TMC5: variants seen among roughly 807,000 people sequenced by gnomAD.
TMC5 encodes transmembrane channel like 5.
In TMC5, 86 loss-of-function variants were observed where a neutral mutation model predicts 110.5. The observed-to-expected ratio is 0.78, with a 90% CI of 0.65 to 0.93. The LOEUF (loss-of-function observed/expected upper bound fraction) is 0.93, where lower values mean the gene tolerates loss of function less well. Among genes scored for constraint, TMC5 ranks in the 40% least tolerant of loss-of-function variants. The pLI is 0.00. For missense variants in TMC5, 1,144 were observed against 1,222.8 expected, an observed-to-expected ratio of 0.94 and a Z score of 0.96; for synonymous variants, 455 against 439.5, an observed-to-expected ratio of 1.04 and a Z score of -0.44.
rs55696911 is a variant in TMC5, at chr16:19,419,402, GTTTTTTTTTTTTTTTT to G, written c.-308+1323_-308+1338del. 9.1e-5 allele frequency among the ~76,000 whole-genome samples: 6 copies of G among 65,650 alleles called. No homozygotes were observed. The Admixed American group carries it at 9.7e-4, about 11-fold the overall frequency. 43.1% of individuals were successfully genotyped at this position (65,650 alleles called of 152,430 possible). On this transcript the variant is annotated intron_variant, in intron 1 of 21. Transcript: ENST00000542583. ...AAGCTCAGTGGAAATGAATGTGTTG[GTTTTTTTTTTTTTTTT>G]TTTTTTTTTTTTGAGACAGTGTCTT... is the stretch of plus-strand genomic sequence containing the variant.
Position 19,495,161 on chromosome 16 carries a change from C to T in TMC5, c.2931+795C>T. The stretch of plus-strand genomic sequence containing the variant: ...TCCCAAGTAGCTGGGACTACAGGCG[C>T]CCGCCACTACGCCCGGCTAATTTTT... On this transcript the variant is annotated intron_variant, in intron 20 of 21. Coordinates refer to ENST00000542583, the MANE Select transcript of TMC5 (RefSeq NM_001261841.2). Among the ~76,000 whole-genome samples the T allele has an allele frequency of 2.8e-5, 2 of 71,234 alleles. 1 individual carries two copies. Among genetic ancestry groups the T allele is most frequent in the Non-Finnish European group, 7.7e-5 (2 of 25,814 alleles). The allele number at this position is 71,234 out of a possible 152,430, so 46.7% of individuals were successfully genotyped here. A position where few individuals can be genotyped will look rare whatever the true frequency, so the allele number is the denominator to read the frequency against.
In TMC5 at chr16:19,498,278, G is replaced by A. The variant is rs2256152; in HGVS notation, c.*312G>A. On this transcript the variant is annotated 3_prime_UTR_variant, in exon 22 of 22. Transcript: ENST00000542583. The stretch of plus-strand genomic sequence containing the variant: ...GAATAATGTATATTATCTTCAAGAA[G>A]TGTGTGCAGGAATGATTGGTTCTTA... The A allele has an allele frequency of 0.85, 282,906 of 332,028 alleles. 120,781 individuals carry two copies. The highest frequency in any genetic ancestry group is 0.91 in the South Asian group (28,335 of 31,134). 20.6% of individuals were successfully genotyped at this position (332,028 alleles called of 1,614,324 possible).
chr16:19,466,114 C>G lies in TMC5; in HGVS notation c.1518C>G (p.Gly506=), dbSNP rs1968182541. Residue 506 remains glycine (G), a synonymous_variant, in exon 9 of 22, where the codon GGC becomes GGG. Coordinates refer to ENST00000542583, the MANE Select transcript of TMC5 (RefSeq NM_001261841.2). ...GYFRDTVMYY[G]FYTNSTIQHG... is the part of the protein sequence containing the mutation. Reference sequence around the variant, plus strand: ...TTAGGGACACAGTGATGTACTATGGCTTTTACACCAATTCCACCATCCAGC... The same window carrying G: ...TTAGGGACACAGTGATGTACTATGGGTTTTACACCAATTCCACCATCCAGC... 1.9e-5 allele frequency: 30 copies of G among 1,614,044 alleles called. No individual in the cohort carries two copies. Among genetic ancestry groups the G allele is most frequent in the Non-Finnish European group, 2.5e-5 (30 of 1,180,016 alleles).
chr16:19,467,330 T>C (rs1968215581), intron 9 of TMC5, among the ~76,000 whole-genome samples: 1 of 152,132 alleles, frequency 6.6e-6, no homozygotes, highest in South Asian at 2.1e-4. Flanking sequence ...CCTCTCTCCT[T>C]GGCTTGTAGA....
chr16:19,469,755 G>C lies in TMC5; in HGVS notation c.1712G>C (p.Cys571Ser). 1 of 1,614,202 alleles carries C rather than the reference G, an allele frequency of 6.2e-7. No individual in the cohort carries two copies. The highest frequency in any genetic ancestry group is 8.5e-7 in the Non-Finnish European group (1 of 1,180,018). Residue 571 changes from cysteine to serine, a missense_variant, in exon 10 of 22, where the codon TGC becomes TCC. Cys to Ser is a moderately radical substitution (Grantham distance 112). Transcript: ENST00000542583. ...GGAGGGATCACCAAGCTGATCTTTT[G>C]CTGGGACTTCACTGTCACTCATGAA... ...YSGGITKLIF[C>S]WDFTVTHEKA...
chr16:19,459,950 G>A (rs988036721), intron 5 of TMC5, among the ~76,000 whole-genome samples: 1 of 151,234 alleles, frequency 6.6e-6, no homozygotes, highest in Admixed American at 6.6e-5. Context: ...AGAAGAGGTA[G>A]GGTGACCAAA....
rs750186180 is a variant in TMC5, at chr16:19,440,461, C to A, written c.423C>A (p.Ser141Arg). 3.7e-6 allele frequency: 6 copies of A among 1,613,928 alleles called. No individual in the cohort carries two copies. The highest frequency in any genetic ancestry group is 5.1e-6 in the Non-Finnish European group (6 of 1,180,028). ...SQRNPDFAGS[S>R]SSGNYAGSRT... is the part of the protein sequence containing the mutation. ...GAAATCCTGATTTTGCAGGCTCCAG[C>A]AGCAGTGGAAACTATGCAGGCTCCA... is the stretch of plus-strand genomic sequence containing the variant. Residue 141 changes from serine to arginine, a missense_variant, in exon 3 of 22, where the codon AGC becomes AGA. By Grantham distance (110) the Ser-to-Arg change is moderately radical. Coordinates refer to ENST00000542583, the MANE Select transcript of TMC5 (RefSeq NM_001261841.2).
At chr16:19,462,588 G>T (rs1968052235) in intron 6 of TMC5, 1 of 698,948 alleles carries the variant, frequency 1.4e-6, no homozygotes, top group Non-Finnish European at 2.6e-6. Flanking sequence ...GCATGTGCAG[G>T]GGAACTGCCC....
At position 19,479,534 on chromosome 16, in the gene TMC5, T is replaced by C. The variant is rs1326148913; in HGVS notation, c.2267+6T>C. 1.7e-5 allele frequency: 28 copies of C among 1,600,748 alleles called. No individual in the cohort carries two copies. Among genetic ancestry groups the C allele is most frequent in the Non-Finnish European group, 2.4e-5 (28 of 1,168,120 alleles). On this transcript the variant is annotated splice_donor_region_variant and intron_variant, in intron 14 of 21. Transcript: ENST00000542583. ...CTGGGGGAGTTTCTGAGGAGGTAAA[T>C]ATTTGCCATTCTTAAGTAATTAGGG...
intron 3 of TMC5, among the ~76,000 whole-genome samples, chr16:19,443,250 A>G (rs1167944596): frequency 1.3e-5 from 2 of 152,198 alleles, no homozygotes; most frequent in East Asian, 3.8e-4. Flanking sequence ...GGGAAGTGGT[A>G]TATGTAGTAA....
At chr16:19,489,581 G>A (rs8061508) in intron 17 of TMC5, among the ~76,000 whole-genome samples, 10,685 of 150,788 alleles carry the variant, frequency 0.071, 494 homozygotes, top group East Asian at 0.18. Context: ...TGATCCACCC[G>A]CCTCGGCCTC....
chr16:19,459,779 A>G (rs1967972768), intron 5 of TMC5, among the ~76,000 whole-genome samples: 1 of 149,700 alleles, frequency 6.7e-6, no homozygotes, highest in Non-Finnish European at 1.5e-5. Context: ...TTAGCCAGAC[A>G]TGGTGGTGCA....
upstream of TMC5, among the ~76,000 whole-genome samples, chr16:19,414,906 T>C (rs1048084728): frequency 1.3e-5 from 2 of 152,012 alleles, no homozygotes; most frequent in African/African-American, 4.8e-5. Flanking sequence ...TAGGTGGGCA[T>C]AGTGGTGAGT....
chr16:19,425,977 G>T (rs1597158737), intron 1 of TMC5, among the ~76,000 whole-genome samples: 1 of 152,170 alleles, frequency 6.6e-6, no homozygotes, highest in African/African-American at 2.4e-5. Flanking sequence ...GTGAGCCACC[G>T]CACCCAGCCA....
At chr16:19,470,250 A>G (rs1597201626) in intron 10 of TMC5, among the ~76,000 whole-genome samples, 2 of 145,566 alleles carry the variant, frequency 1.4e-5, no homozygotes, top group Non-Finnish European at 3.0e-5. Flanking sequence ...GTGCAGTGGC[A>G]TGATCTTGGC....
At chr16:19,414,917 T>C (rs1400826086), upstream of TMC5, among the ~76,000 whole-genome samples, 1 of 152,006 alleles carries the variant, frequency 6.6e-6, no homozygotes, top group Non-Finnish European at 1.5e-5. Flanking sequence ...AGTGGTGAGT[T>C]CCTGTAGTCC....
chr16:19,461,525 GATC>G (rs1968022033), intron 6 of TMC5, among the ~76,000 whole-genome samples: 2 of 151,802 alleles, frequency 1.3e-5, no homozygotes, highest in Non-Finnish European at 2.9e-5. Flanking sequence ...AGTGAGCCAA[GATC>G]ACACCACTGC....
chr16:19,490,737 TC>T (rs1968868435), intron 18 of TMC5, among the ~76,000 whole-genome samples, 169 bp downstream of exon 18: 1 of 100,026 alleles, frequency 1.0e-5, no homozygotes, highest in Non-Finnish European at 2.4e-5. Flanking sequence ...CTTCCTTCCT[TC>T]CTTCCTTCCT....
intron 1 of TMC5, among the ~76,000 whole-genome samples, chr16:19,422,412 C>T (rs1398574198): frequency 6.6e-6 from 1 of 152,200 alleles, no homozygotes; most frequent in Non-Finnish European, 1.5e-5. Context: ...AAACCACTTT[C>T]CAGGTGTCTC....
Sources: gnomAD v4.1 joint callset for allele counts (sites outside exome capture counted in the v4.1 genomes callset) on GRCh38, gnomAD v4.1.1 for gene constraint, MANE v1.5 for transcripts, NCBI Gene and HGNC (gene_info 2026-07-23, HGNC 2026-07-21) for gene names.